KIAA1549L: variants seen among roughly 807,000 people sequenced by gnomAD.
KIAA1549L encodes KIAA1549 like.
In KIAA1549L, 88 loss-of-function variants were observed where a neutral mutation model predicts 160.7. The observed-to-expected ratio is 0.55, with a 90% confidence interval of 0.46 to 0.65. The LOEUF (loss-of-function observed/expected upper bound fraction) is 0.65, where lower values mean the gene tolerates loss of function less well. Among genes scored for constraint, KIAA1549L ranks in the 30% least tolerant of loss-of-function variants. The probability of loss-of-function intolerance (pLI) is 0.00; values close to 1 mark genes in which losing one functional copy is unlikely to be tolerated. For synonymous variants in KIAA1549L, 950 were observed against 976.7 expected (o/e 0.97, Z 0.51); for missense variants, 2,258 against 2,437.5 (o/e 0.93, Z 1.55).
intron 8 of KIAA1549L, among the ~76,000 whole-genome samples, chr11:33,562,918 C>T (rs1005209987): frequency 7.9e-5 from 12 of 151,958 alleles, no homozygotes; most frequent in African/African-American, 2.2e-4. Flanking sequence ...TGACCTCAGC[C>T]GATCTGCCCG....
At chr11:33,629,006 G>C (rs910632794) in intron 16 of KIAA1549L, among the ~76,000 whole-genome samples, 1 of 151,290 alleles carries the variant, frequency 6.6e-6, no homozygotes, top group African/African-American at 2.5e-5. Flanking sequence ...CTCAGCATTT[G>C]CTTGTCTGTA....
At chr11:33,528,463 A>G (rs1030398433) in intron 1 of KIAA1549L, among the ~76,000 whole-genome samples, 1 of 152,234 alleles carries the variant, frequency 6.6e-6, no homozygotes, top group African/African-American at 2.4e-5. Context: ...TGATCCAGCA[A>G]TCCCGCTACT....
rs759041196 is a variant in KIAA1549L at position 33,559,927 on chromosome 11, C to A, written c.4018+16C>A. The A allele has an allele frequency of 1.2e-6, 2 of 1,609,434 alleles. No individual in the cohort carries two copies. Among genetic ancestry groups the A allele is most frequent in the African/African-American group, 1.3e-5 (1 of 74,976 alleles). On this transcript the variant is annotated intron_variant, in intron 7 of 20. Transcript: ENST00000658780. ...ATTGCTGAACGTGAGTATGGCCATG[C>A]CTATGGGGACCCCAGTGTTTCCCCT...
At chr11:33,527,889 C>G (rs1565169984) in intron 1 of KIAA1549L, among the ~76,000 whole-genome samples, 1 of 152,188 alleles carries the variant, frequency 6.6e-6, no homozygotes. Context: ...ATTGTAGCTC[C>G]TATAATTCCT....
At chr11:33,528,241 A>C (rs971794934) in intron 1 of KIAA1549L, among the ~76,000 whole-genome samples, 5 of 152,194 alleles carry the variant, frequency 3.3e-5, no homozygotes, top group African/African-American at 1.2e-4. Flanking sequence ...CAAGATCACT[A>C]ATTATCAGAG....
At position 33,543,724 on chromosome 11, in the gene KIAA1549L, A is replaced by C. The variant is rs769597123; in HGVS notation, c.2161A>C (p.Asn721His). 3 of 1,613,992 alleles carry C rather than the reference A, an allele frequency of 1.9e-6. No individual in the cohort carries two copies. The highest frequency in any genetic ancestry group is 1.1e-5 in the South Asian group (1 of 91,080). Residue 721 changes from asparagine (N) to histidine (H), a missense_variant, in exon 2 of 21, where the codon AAT (asparagine) becomes CAT (histidine). Around this residue, in one of 6 missense-constraint regions of KIAA1549L, gnomAD observed 287 missense variants for 292.3 expected, o/e 0.98. Transcript: ENST00000658780. ...SIISGLQQQTNYDLNGHTIST... is the reference protein window; with the variant it reads ...SIISGLQQQTHYDLNGHTIST... ...AATATCTGGCTTGCAGCAGCAAACA[A>C]ATTATGATTTAAATGGACACACAAT...
intron 1 of KIAA1549L, among the ~76,000 whole-genome samples, chr11:33,441,716 G>A (rs12295728): frequency 8.5e-5 from 13 of 152,134 alleles, no homozygotes; most frequent in Middle Eastern, 3.4e-3. Flanking sequence ...CATAAATGTC[G>A]TCTTTTGAGA....
At chr11:33,627,398 T>A (rs1851147144) in intron 16 of KIAA1549L, among the ~76,000 whole-genome samples, 1 of 151,672 alleles carries the variant, frequency 6.6e-6, no homozygotes, top group Admixed American at 6.6e-5. Context: ...GGAATCTTTT[T>A]GGTTGGTAAG....
chr11:33,662,417 C>T (rs1484901146), intron 20 of KIAA1549L, among the ~76,000 whole-genome samples: 1 of 152,104 alleles, frequency 6.6e-6, no homozygotes, highest in African/African-American at 2.4e-5. Flanking sequence ...AGAGGGATCC[C>T]CTGCTGTTCA....
chr11:33,384,991 A>G (rs538890977), intron 1 of KIAA1549L, among the ~76,000 whole-genome samples: 34 of 150,590 alleles, frequency 2.3e-4, no homozygotes, highest in African/African-American at 8.1e-4. Flanking sequence ...GATTAACTCT[A>G]TCAACTTTTC....
chr11:33,499,699 C>G (rs1045391412), intron 1 of KIAA1549L, among the ~76,000 whole-genome samples: 11 of 152,200 alleles, frequency 7.2e-5, no homozygotes, highest in African/African-American at 2.7e-4. Context: ...TCCAGCCCAT[C>G]ATTTCATCAC....
At chr11:33,387,557 C>G (rs1004928869) in intron 1 of KIAA1549L, among the ~76,000 whole-genome samples, 1 of 152,142 alleles carries the variant, frequency 6.6e-6, no homozygotes, top group African/African-American at 2.4e-5. Flanking sequence ...CTGCCAGTCT[C>G]GGCCTCCCAA....
intron 1 of KIAA1549L, among the ~76,000 whole-genome samples, chr11:33,479,883 T>A (rs1852372950): frequency 6.6e-6 from 1 of 152,208 alleles, no homozygotes; most frequent in Admixed American, 6.5e-5. Flanking sequence ...AGAGCTTTCC[T>A]TAGGGTCTCC....
rs1239454902 is a variant in KIAA1549L, at chr11:33,544,043, A to G, written c.2480A>G (p.His827Arg). 1 of 1,613,992 alleles carries G rather than the reference A, an allele frequency of 6.2e-7. No homozygotes were observed. Among genetic ancestry groups the G allele is most frequent in the South Asian group, 1.1e-5 (1 of 91,082 alleles). The change falls in exon 2 of 21, where the codon CAT becomes CGT. Residue 827 changes from histidine (H) to arginine (R), a missense_variant. His to Arg is a conservative substitution (Grantham distance 29). Coordinates refer to ENST00000658780, the MANE Select transcript of KIAA1549L (RefSeq NM_012194.3). The part of the protein sequence containing the change: ...EVAYYSPTTR[H>R]SVSHPQLQLP... ...GCATATTACTCACCCACAACTCGAC[A>G]TTCCGTGTCTCATCCTCAGCTACAG...
chr11:33,516,949 A>G (rs1200847652), intron 1 of KIAA1549L, among the ~76,000 whole-genome samples: 3 of 152,234 alleles, frequency 2.0e-5, no homozygotes, highest in Non-Finnish European at 4.4e-5. Context: ...CTCTAATTAT[A>G]TTCAATGTGC....
intron 19 of KIAA1549L, among the ~76,000 whole-genome samples, 200 bp from the exon 20 acceptor site, chr11:33,660,663 T>C (rs963019709): frequency 6.6e-6 from 1 of 152,126 alleles, no homozygotes; most frequent in Non-Finnish European, 1.5e-5. Context: ...CCAGGTCCAC[T>C]GCACCTTAAA....
At chr11:33,409,441 G>A (rs886643951) in intron 1 of KIAA1549L, among the ~76,000 whole-genome samples, 1 of 152,138 alleles carries the variant, frequency 6.6e-6, no homozygotes, top group Non-Finnish European at 1.5e-5. Context: ...AGGAGGTAGC[G>A]TTTCTTCCAA....
chr11:33,614,891 A>G (rs375459458), intron 15 of KIAA1549L, among the ~76,000 whole-genome samples: 14 of 149,170 alleles, frequency 9.4e-5, no homozygotes, highest in African/African-American at 3.3e-4. Context: ...GATTACAGGC[A>G]TGAGCCACAG....
chr11:33,475,028 G>A (rs956445963), intron 1 of KIAA1549L, among the ~76,000 whole-genome samples: 10 of 152,328 alleles, frequency 6.6e-5, no homozygotes, highest in African/African-American at 2.4e-4. Context: ...CTCTGGGTGT[G>A]TGGGTTTGCT....
Sources: allele counts gnomAD v4.1 joint callset (sites outside exome capture counted in the v4.1 genomes callset), GRCh38; gene constraint gnomAD v4.1.1; regional missense constraint gnomAD v4.1.1; transcripts MANE v1.5; gene names NCBI Gene and HGNC (gene_info 2026-07-23, HGNC 2026-07-21).